Variants in HCRTR2 observed in about 807,000 individuals in gnomAD.
HCRTR2 encodes orexin receptor type 2.
Under a neutral mutation model 49.0 loss-of-function variants are expected in HCRTR2, and 22 were observed. That is an observed-to-expected ratio of 0.45 (90% CI 0.32 to 0.64). HCRTR2 has a LOEUF of 0.64. Ranked by LOEUF, HCRTR2 falls within the 30% of genes least tolerant of loss-of-function variation. The pLI is 0.04. For synonymous variants in HCRTR2, 236 were observed against 205.3 expected, an observed-to-expected ratio of 1.15 and a Z score of -1.28; for missense variants, 491 against 559.4, an observed-to-expected ratio of 0.88 and a Z score of 1.23.
intron 1 of HCRTR2, among the ~76,000 whole-genome samples, chr6:55,244,474 T>G (rs933351106): frequency 2.6e-5 from 4 of 151,798 alleles, no homozygotes; most frequent in African/African-American, 9.7e-5. Flanking sequence ...GCAATAGGAA[T>G]AGAAAGAATA....
At position 55,199,266 on chromosome 6, in the gene HCRTR2, GT is replaced by G. The variant is rs568481093; in HGVS notation, c.223+24467del. Among the ~76,000 whole-genome samples the G allele has an allele frequency of 1.6e-3, 226 of 140,704 alleles. 1 individual carries two copies. The highest frequency in any genetic ancestry group is 4.1e-3 in the African/African-American group (158 of 38,676). 92.3% of individuals were successfully genotyped at this position (140,704 alleles called of 152,430 possible). A position where few individuals can be genotyped will look rare whatever the true frequency, so the allele number is the denominator to read the frequency against. The stretch of plus-strand genomic sequence containing the variant: ...ATTTTGTGGTTTTGACCAGTTTTTT[GT>G]TTTTTTTTTTAATGCAGCATGTCAT... On this transcript the variant is annotated intron_variant, in intron 1 of 6. Coordinates refer to ENST00000370862, the MANE Select transcript of HCRTR2 (RefSeq NM_001384272.1).
At chr6:55,149,343 A>G (rs1484766605) in intron 1 of HCRTR2, among the ~76,000 whole-genome samples, 1 of 152,080 alleles carries the variant, frequency 6.6e-6, no homozygotes, top group Non-Finnish European at 1.5e-5. Context: ...AGGGTTTAAT[A>G]CTACACAGCA....
At chr6:55,207,011 A>AG (rs1476367949) in intron 1 of HCRTR2, among the ~76,000 whole-genome samples, 15 of 152,080 alleles carry the variant, frequency 9.9e-5, no homozygotes, top group Admixed American at 8.5e-4. Flanking sequence ...CTAATTTTCC[A>AG]GGCATTGGTT....
chr6:55,197,683 G>A lies in HCRTR2; in HGVS notation c.223+22873G>A, dbSNP rs112745148. ...GTCTCCCAGGTTGAAGTGCAGTGGC[G>A]TGATCTCGGCTCACTGCAAGCTCTG... is the stretch of plus-strand genomic sequence containing the variant. On this transcript the variant is annotated intron_variant, in intron 1 of 6. Transcript: ENST00000370862. Among the ~76,000 whole-genome samples the A allele has an allele frequency of 9.3e-4, 141 of 152,106 alleles. 2 individuals are homozygous for A. The highest frequency in any genetic ancestry group is 5.2e-4 in the Admixed American group (8 of 15,266).
chr6:55,218,765 A>G (rs572565870), intron 1 of HCRTR2, among the ~76,000 whole-genome samples: 62 of 152,324 alleles, frequency 4.1e-4, no homozygotes, highest in Admixed American at 1.5e-3. Context: ...ATATAAACAA[A>G]TATTAATGGA....
chr6:55,220,977 T>C (rs981412095), intron 1 of HCRTR2, among the ~76,000 whole-genome samples: 2 of 152,156 alleles, frequency 1.3e-5, no homozygotes, highest in African/African-American at 4.8e-5. Context: ...AAATGTTTAG[T>C]AATAAGCTTA....
At chr6:55,183,355 A>G (rs1412027988) in intron 1 of HCRTR2, among the ~76,000 whole-genome samples, 1 of 152,214 alleles carries the variant, frequency 6.6e-6, no homozygotes, top group East Asian at 1.9e-4. Flanking sequence ...AGGAAACAAC[A>G]TAAGCAAAAT....
intron 1 of HCRTR2, 53 bp downstream of exon 1, chr6:55,174,863 C>G: frequency 2.0e-6 from 3 of 1,467,600 alleles, no homozygotes; most frequent in Non-Finnish European, 2.9e-6. Context: ...CTCTCCGCCC[C>G]GGGCTGAGAA....
At chr6:55,136,049 C>T (rs1203723425) in intron 1 of HCRTR2, among the ~76,000 whole-genome samples, 1 of 152,044 alleles carries the variant, frequency 6.6e-6, no homozygotes, top group East Asian at 1.9e-4. Flanking sequence ...TAATTAGTGC[C>T]TAGAAGCTTT....
At chr6:55,181,465 A>G (rs1581812533) in intron 1 of HCRTR2, among the ~76,000 whole-genome samples, 1 of 152,324 alleles carries the variant, frequency 6.6e-6, no homozygotes, top group East Asian at 1.9e-4. Context: ...TTATTTCTAA[A>G]AAATGTTTAG....
intron 1 of HCRTR2, among the ~76,000 whole-genome samples, chr6:55,223,164 G>T (rs1765930791): frequency 6.6e-6 from 1 of 152,054 alleles, no homozygotes; most frequent in Non-Finnish European, 1.5e-5. Context: ...TAGCTAGACT[G>T]CCAGTTAATC....
intron 1 of HCRTR2, among the ~76,000 whole-genome samples, chr6:55,154,121 T>A (rs1028429769): frequency 8.6e-5 from 13 of 151,916 alleles, no homozygotes; most frequent in Admixed American, 3.9e-4. Context: ...CCAAGGAGAC[T>A]GAGTAAATAA....
chr6:55,128,134 T>C (rs545819704), intron 1 of HCRTR2, among the ~76,000 whole-genome samples: 1 of 152,228 alleles, frequency 6.6e-6, no homozygotes, highest in East Asian at 1.9e-4. Flanking sequence ...TCAATTTTCT[T>C]CATATGGCTG....
intron 1 of HCRTR2, among the ~76,000 whole-genome samples, chr6:55,127,214 G>T (rs942234858): frequency 5.3e-5 from 8 of 152,154 alleles, no homozygotes; most frequent in African/African-American, 1.9e-4. Flanking sequence ...GGCACCAGAA[G>T]GAATCTCCTG....
upstream of HCRTR2, among the ~76,000 whole-genome samples, chr6:55,170,437 T>G (rs1764932528): frequency 6.6e-6 from 1 of 151,658 alleles, no homozygotes; most frequent in Admixed American, 6.6e-5. Flanking sequence ...AAGTATTTAT[T>G]ATTTCTCTGT....
chr6:55,267,467 T>A, intron 4 of HCRTR2, among the ~76,000 whole-genome samples: 1 of 151,226 alleles, frequency 6.6e-6, no homozygotes, highest in Admixed American at 6.6e-5. Context: ...GATTATTTGC[T>A]AAAACTTATT....
At chr6:55,160,444 C>T (rs1260903490) in intron 1 of HCRTR2, among the ~76,000 whole-genome samples, 2 of 152,150 alleles carry the variant, frequency 1.3e-5, no homozygotes, top group Non-Finnish European at 2.9e-5. Context: ...GGCAAAATAA[C>T]CAGCTAGCAT....
At chr6:55,152,282 C>T (rs1003683419) in intron 1 of HCRTR2, among the ~76,000 whole-genome samples, 3 of 151,770 alleles carry the variant, frequency 2.0e-5, no homozygotes, top group Non-Finnish European at 2.9e-5. Context: ...ACACATGTGA[C>T]GTAAAATTTC....
intron 1 of HCRTR2, among the ~76,000 whole-genome samples, chr6:55,211,561 G>A (rs1765696829): frequency 6.6e-6 from 1 of 152,108 alleles, no homozygotes; most frequent in Non-Finnish European, 1.5e-5. Flanking sequence ...TTTATCTGTT[G>A]TGGAGTGAGG....
Sources: allele counts gnomAD v4.1 joint callset (sites outside exome capture counted in the v4.1 genomes callset), GRCh38; gene constraint gnomAD v4.1.1; transcripts MANE v1.5; gene names NCBI Gene and HGNC (gene_info 2026-07-23, HGNC 2026-07-21).